The following FAM53A variants were observed in gnomAD, a reference collection of about 807,000 sequenced individuals.
FAM53A encodes the protein family with sequence similarity 53 member A, also known as protein FAM53A.
FAM53A carries 28 observed loss-of-function variants against 26.6 expected under a neutral mutation model. The ratio of observed to expected loss-of-function variants is 1.05; its 90% confidence interval spans 0.78 to 1.45. FAM53A has a LOEUF of 1.45. FAM53A is among the 40% of genes most tolerant of loss of function. The probability of loss-of-function intolerance (pLI) is 0.00; values close to 1 mark genes in which losing one functional copy is unlikely to be tolerated. For missense variants in FAM53A, 650 were observed against 575.8 expected, an observed-to-expected ratio of 1.13 and a Z score of -1.32; for synonymous variants, 290 against 253.1, an observed-to-expected ratio of 1.15 and a Z score of -1.38.
downstream of FAM53A, among the ~76,000 whole-genome samples, chr4:1,636,007 C>T (rs74866579): frequency 6.6e-6 from 1 of 151,990 alleles, no homozygotes; most frequent in African/African-American, 2.4e-5. Context: ...CCACGCCCGG[C>T]TAATTTTCTT....
chr4:1,637,122 C>G (rs1286196250), downstream of FAM53A, among the ~76,000 whole-genome samples: 2 of 152,010 alleles, frequency 1.3e-5, no homozygotes, highest in African/African-American at 4.8e-5. Flanking sequence ...CAGACAAGCT[C>G]TCGGCACAGG....
chr4:1,632,611 G>A (rs929061919), intron 1 of FAM53A, among the ~76,000 whole-genome samples: 22 of 152,326 alleles, frequency 1.4e-4, no homozygotes, highest in African/African-American at 5.1e-4. Flanking sequence ...GTAGAGCCAC[G>A]GGGACAAAGC....
At chr4:1,609,126 G>A in the FAM53A span, among the ~76,000 whole-genome samples, 5 of 152,072 alleles carry the variant, frequency 3.3e-5, no homozygotes, top group South Asian at 6.2e-4. Flanking sequence ...TGGGAGAGAG[G>A]GCTGTCCAGA....
At chr4:1,678,816 C>T (rs1715211351) in intron 1 of FAM53A, among the ~76,000 whole-genome samples, 1 of 151,706 alleles carries the variant, frequency 6.6e-6, no homozygotes, top group Admixed American at 6.6e-5. Context: ...AGCAAGACTC[C>T]ATCTCAAAAA....
the FAM53A span, among the ~76,000 whole-genome samples, chr4:1,596,895 G>A: frequency 3.9e-4 from 60 of 152,298 alleles, no homozygotes; most frequent in Non-Finnish European, 7.5e-4. Context: ...GAGAGAGACA[G>A]AGGGAGAAAC....
At chr4:1,679,819 C>A (rs1243150672) in intron 1 of FAM53A, among the ~76,000 whole-genome samples, 1 of 151,678 alleles carries the variant, frequency 6.6e-6, no homozygotes, top group Non-Finnish European at 1.5e-5. Context: ...GAGACCGAGG[C>A]GGGTGGATCA....
intron 4 of FAM53A, among the ~76,000 whole-genome samples, chr4:1,646,727 A>C (rs1712279779): frequency 6.6e-6 from 1 of 152,172 alleles, no homozygotes; most frequent in Non-Finnish European, 1.5e-5. Flanking sequence ...CTTAGGTTCT[A>C]GCCCATGATG....
Position 1,655,447 on chromosome 4 carries a change from C to T in FAM53A, c.413G>A (p.Arg138His), listed in dbSNP as rs775163221. 12 of 1,533,864 alleles carry T rather than the reference C, an allele frequency of 7.8e-6. No individual in the cohort carries two copies. Among genetic ancestry groups the T allele is most frequent in the Admixed American group, 6.3e-5 (3 of 47,712 alleles). The change falls in exon 4 of 5, where the codon CGC becomes CAC. Residue 138 changes from arginine (R) to histidine (H), a missense_variant. Coordinates refer to ENST00000308132, the MANE Select transcript of FAM53A (RefSeq NM_001174070.3). Reference sequence around the variant, plus strand: ...AGTCCAGACCTTGGAGCTGCCGGGGCGCCAGGGGGACCGGCAGCGCACAAG... The same window carrying T: ...AGTCCAGACCTTGGAGCTGCCGGGGTGCCAGGGGGACCGGCAGCGCACAAG... ...EELVRCRSPW[R>H]PGSSKVWTPV...
chr4:1,629,577 G>A (rs1357258726), intron 1 of FAM53A, among the ~76,000 whole-genome samples: 1 of 152,196 alleles, frequency 6.6e-6, no homozygotes, highest in Non-Finnish European at 1.5e-5. Context: ...CATCCTGCCT[G>A]TGGCTGCCCG....
chr4:1,594,624 C>T, the FAM53A span, among the ~76,000 whole-genome samples: 1,030 of 152,282 alleles, frequency 6.8e-3, 10 homozygotes, highest in African/African-American at 0.024. Flanking sequence ...AGGCAGATTG[C>T]TTGGGGTTGG....
intron 1 of FAM53A, among the ~76,000 whole-genome samples, chr4:1,676,342 A>C (rs1055176467): frequency 1.3e-5 from 2 of 152,162 alleles, no homozygotes; most frequent in Middle Eastern, 3.2e-3. Flanking sequence ...TAAGGATATC[A>C]GTCATTTTGG....
chr4:1,657,629 G>C (rs1373810982), intron 2 of FAM53A, among the ~76,000 whole-genome samples, 161 bp from the exon 3 acceptor site: 1 of 152,142 alleles, frequency 6.6e-6, no homozygotes, highest in Non-Finnish European at 1.5e-5. Context: ...AAATTCAACT[G>C]AGTAAATGGA....
intron 1 of FAM53A, among the ~76,000 whole-genome samples, chr4:1,676,783 C>G (rs1303350257): frequency 6.6e-6 from 1 of 152,200 alleles, no homozygotes. Context: ...CCACCCCACA[C>G]CTCCCAATAC....
the FAM53A span, among the ~76,000 whole-genome samples, chr4:1,607,158 A>T: frequency 6.6e-6 from 1 of 152,150 alleles, no homozygotes; most frequent in African/African-American, 2.4e-5. Context: ...AGCTGGGATT[A>T]CAGGCATGCG....
chr4:1,639,043 C>T (rs1462217659), downstream of FAM53A, among the ~76,000 whole-genome samples: 1 of 152,206 alleles, frequency 6.6e-6, no homozygotes, highest in Non-Finnish European at 1.5e-5. Context: ...CACAGCGACA[C>T]ACCCTGCCTC....
intron 2 of FAM53A, among the ~76,000 whole-genome samples, 192 bp from the exon 3 acceptor site, chr4:1,657,660 T>C (rs1713497340): frequency 6.6e-6 from 1 of 152,230 alleles, no homozygotes; most frequent in Non-Finnish European, 1.5e-5. Context: ...TTTTTTTAGA[T>C]GGAGTCTCGC....
the FAM53A span, among the ~76,000 whole-genome samples, chr4:1,578,145 C>A: frequency 6.6e-6 from 1 of 152,170 alleles, no homozygotes; most frequent in South Asian, 2.1e-4. Flanking sequence ...CCAGGCCCCC[C>A]CCAAGCCTGG....
intron 2 of FAM53A, among the ~76,000 whole-genome samples, chr4:1,661,651 C>A (rs1420820441): frequency 8.2e-6 from 1 of 121,968 alleles, no homozygotes; most frequent in Non-Finnish European, 1.7e-5. Flanking sequence ...AACATTAAGA[C>A]CCCGCCCATC....
upstream of FAM53A, among the ~76,000 whole-genome samples, chr4:1,684,970 AGAG>A (rs1715721764): frequency 1.3e-5 from 2 of 152,164 alleles, no homozygotes; most frequent in East Asian, 3.9e-4. Flanking sequence ...AGCACCCTGC[AGAG>A]GAGAGGGTGG....
Sources: gnomAD v4.1 joint callset for allele counts (sites outside exome capture counted in the v4.1 genomes callset) on GRCh38, gnomAD v4.1.1 for gene constraint, MANE v1.5 for transcripts, NCBI Gene and HGNC (gene_info 2026-07-23, HGNC 2026-07-21) for gene names.